The following SCN11A variants were observed in gnomAD, a reference collection of about 807,000 sequenced individuals.
The protein encoded by SCN11A is sodium voltage-gated channel alpha subunit 11.
In SCN11A, 122 loss-of-function variants were observed where a neutral mutation model predicts 162.2. That is an observed-to-expected ratio of 0.75 (90% CI 0.65 to 0.87). SCN11A has a LOEUF of 0.87. Ranked by LOEUF, SCN11A falls within the 40% of genes least tolerant of loss-of-function variation. SCN11A has a pLI of 0.00. For synonymous variants in SCN11A, 758 were observed against 751.5 expected (o/e 1.01, Z -0.14); for missense variants, 2,015 against 2,181.6 (o/e 0.92, Z 1.52).
At chr3:38,919,903 T>A (rs757454021) in intron 11 of SCN11A, 32 bp downstream of exon 11, 3 of 1,542,964 alleles carry the variant, frequency 1.9e-6, no homozygotes, top group Non-Finnish European at 2.7e-6. Context: ...GAGGTACTCT[T>A]CTTGGGAGGA....
rs1289147276 is a variant in SCN11A, at chr3:38,847,291, G to A, written c.4779C>T (p.Leu1593=). 6.2e-7 allele frequency: 1 copy of A among 1,614,180 alleles called. No individual in the cohort carries two copies. The highest frequency in any genetic ancestry group is 1.3e-5 in the African/African-American group (1 of 75,050). The part of the protein sequence containing the change: ...YFVSYIIISF[L]IVVNMYIAVI... Reference sequence around the variant, plus strand: ...CAGCAATGTACATGTTGACAACAATGAGAAAGGAGATGATAATGTAACTGA... The same window carrying A: ...CAGCAATGTACATGTTGACAACAATAAGAAAGGAGATGATAATGTAACTGA... Residue 1593 remains leucine, a synonymous_variant, in exon 30 of 30, where the codon CTC becomes CTT. Transcript: ENST00000302328.
intron 1 of SCN11A, among the ~76,000 whole-genome samples, chr3:39,050,672 A>G (rs1490733917): frequency 6.6e-6 from 1 of 152,254 alleles, no homozygotes; most frequent in African/African-American, 2.4e-5. Context: ...TTGTGACCAC[A>G]TATGTAATTT....
At position 38,926,802 on chromosome 3, in the gene SCN11A, C is replaced by G; in HGVS notation, c.617+1G>C. The G allele has an allele frequency of 6.2e-7, 1 of 1,613,192 alleles. No individual in the cohort carries two copies. The highest frequency in any genetic ancestry group is 8.5e-7 in the Non-Finnish European group (1 of 1,179,580). On this transcript the variant is annotated splice_donor_variant, in intron 8 of 29. Coordinates refer to ENST00000302328, the MANE Select transcript of SCN11A (RefSeq NM_001349253.2). LOFTEE classifies it high-confidence loss of function. Reference sequence around the variant, plus strand: ...TTCAAAAACATCTTTAATATTCTTACGCTATTCCAATGACAATGGAGTCCA... The same window carrying G: ...TTCAAAAACATCTTTAATATTCTTAGGCTATTCCAATGACAATGGAGTCCA...
At chr3:38,857,568 C>G (rs1288115771) in intron 28 of SCN11A, among the ~76,000 whole-genome samples, 5 of 151,990 alleles carry the variant, frequency 3.3e-5, no homozygotes, top group African/African-American at 1.2e-4. Context: ...GTTCATAAAA[C>G]TTATCTGAAG....
At chr3:38,918,632 T>C (rs1350933233) in intron 11 of SCN11A, among the ~76,000 whole-genome samples, 1 of 152,216 alleles carries the variant, frequency 6.6e-6, no homozygotes, top group Non-Finnish European at 1.5e-5. Flanking sequence ...ACCGGTTTCA[T>C]GGAAGACAGT....
intron 2 of SCN11A, among the ~76,000 whole-genome samples, chr3:38,976,376 TG>T (rs1302769496): frequency 6.6e-6 from 1 of 152,148 alleles, no homozygotes; most frequent in African/African-American, 2.4e-5. Flanking sequence ...ACTTAAGGCC[TG>T]GGGAGGTGAT....
rs187884667 is a variant in SCN11A at position 38,960,744 on chromosome 3, C to A, written c.-279-321G>T. 7.3e-4 allele frequency among the ~76,000 whole-genome samples: 111 copies of A among 152,326 alleles called. 1 individual carries two copies. Among genetic ancestry groups the A allele is most frequent in the Non-Finnish European group, 8.7e-4 (59 of 68,032 alleles). On this transcript the variant is annotated intron_variant, in intron 2 of 29. Transcript: ENST00000302328. ...CCCAGTGTTCTGGGGTCTCACCCCC[C>A]ACAGGACCCACTGAGGCCCACACAA...
At chr3:39,049,676 G>T (rs895987571) in intron 1 of SCN11A, among the ~76,000 whole-genome samples, 8 of 152,172 alleles carry the variant, frequency 5.3e-5, no homozygotes, top group Non-Finnish European at 1.0e-4. Flanking sequence ...TTTATTTCAT[G>T]ATTCTACTGA....
At chr3:38,910,006 G>C in intron 12 of SCN11A, 60 bp downstream of exon 12, 1 of 1,512,622 alleles carries the variant, frequency 6.6e-7, no homozygotes, top group Non-Finnish European at 9.0e-7. Context: ...AAGTGATAGA[G>C]GGGGAAGGAA....
rs973654163 is a variant in SCN11A, at chr3:38,995,084, G to A, written c.-279-34661C>T. ...AGAAAAGACTTAGTGTGACTTCTGGGCCCCAAATAAGCCCATATCAGCATA... is the reference window on the plus strand; with the variant it reads ...AGAAAAGACTTAGTGTGACTTCTGGACCCCAAATAAGCCCATATCAGCATA... On this transcript the variant is annotated intron_variant, in intron 2 of 29. Transcript: ENST00000302328. Among the ~76,000 whole-genome samples, 6 of 152,050 alleles carry A rather than the reference G, an allele frequency of 3.9e-5. No individual in the cohort carries two copies. The East Asian group carries it at 1.2e-3, about 29-fold the overall frequency.
chr3:38,987,298 C>A (rs2030284930), intron 2 of SCN11A, among the ~76,000 whole-genome samples: 3 of 113,238 alleles, frequency 2.6e-5, no homozygotes, highest in Non-Finnish European at 5.1e-5. Context: ...CTCTCTCTCT[C>A]TCTCTCACAC....
At chr3:38,870,658 A>G in intron 26 of SCN11A, 33 bp downstream of exon 26, 1 of 1,585,972 alleles carries the variant, frequency 6.3e-7, no homozygotes, top group South Asian at 1.1e-5. Flanking sequence ...ACTTGACCAT[A>G]ACACTCCAGA....
intron 14 of SCN11A, among the ~76,000 whole-genome samples, chr3:38,906,350 C>T (rs1229560187): frequency 1.3e-5 from 2 of 152,142 alleles, no homozygotes; most frequent in African/African-American, 4.8e-5. Flanking sequence ...CCATCCCTCC[C>T]CCACCACCAG....
At position 38,847,301 on chromosome 3, in the gene SCN11A, A is replaced by T; in HGVS notation, c.4769T>A (p.Ile1590Asn). The T allele has an allele frequency of 6.2e-7, 1 of 1,614,214 alleles. No homozygotes were observed. Among genetic ancestry groups the T allele is most frequent in the Non-Finnish European group, 8.5e-7 (1 of 1,180,014 alleles). The change falls in exon 30 of 30, where the codon ATC becomes AAC. Residue 1590 changes from isoleucine to asparagine, a missense_variant. Transcript: ENST00000302328. Reference protein sequence around the residue: ...ATSYFVSYIIISFLIVVNMYI... With the variant: ...ATSYFVSYIINSFLIVVNMYI... ...CATGTTGACAACAATGAGAAAGGAGATGATAATGTAACTGACAAAGTAGGA... is the reference window on the plus strand; with the variant it reads ...CATGTTGACAACAATGAGAAAGGAGTTGATAATGTAACTGACAAAGTAGGA...
intron 2 of SCN11A, among the ~76,000 whole-genome samples, chr3:39,001,136 A>G (rs879652732): frequency 2.0e-5 from 3 of 152,246 alleles, no homozygotes; most frequent in Admixed American, 6.5e-5. Flanking sequence ...TAGTGAGGTA[A>G]AATTCACCAT....
intron 19 of SCN11A, among the ~76,000 whole-genome samples, chr3:38,887,676 TC>T (rs1450196476): frequency 1.3e-5 from 2 of 152,220 alleles, no homozygotes; most frequent in African/African-American, 4.8e-5. Flanking sequence ...TCTCTGCTCT[TC>T]CCCTTGCTGG....
At position 38,894,636 on chromosome 3, in the gene SCN11A, T is replaced by C. The variant is rs752195428; in HGVS notation, c.2732A>G (p.His911Arg). Residue 911 changes from histidine to arginine, a missense_variant, in exon 19 of 30, where the codon CAT (histidine) becomes CGT (arginine). Transcript: ENST00000302328. ...AAGTGGTGCCAACCAAGTCCAATCATGCCTGACGCCCAGGGTCTTTGGTAC... is the reference window on the plus strand; with the variant it reads ...AAGTGGTGCCAACCAAGTCCAATCACGCCTGACGCCCAGGGTCTTTGGTAC... Reference protein sequence around the residue: ...TSVPKTLGVRHDWTWLAPLAE... With the variant: ...TSVPKTLGVRRDWTWLAPLAE... 9.3e-6 allele frequency: 15 copies of C among 1,614,048 alleles called. No individual in the cohort carries two copies. In the African/African-American group the frequency reaches 1.5e-4, roughly 16 times the overall value.
intron 2 of SCN11A, among the ~76,000 whole-genome samples, chr3:38,968,826 C>A (rs2066799423): frequency 6.6e-6 from 1 of 152,184 alleles, no homozygotes; most frequent in African/African-American, 2.4e-5. Flanking sequence ...CTGATAACAT[C>A]TACTACATAA....
intron 2 of SCN11A, among the ~76,000 whole-genome samples, chr3:38,965,428 C>T (rs2066775641): frequency 6.6e-6 from 1 of 152,150 alleles, no homozygotes. Flanking sequence ...TGTTTCCAGC[C>T]AGCTTCGCCC....
Sources: allele counts gnomAD v4.1 joint callset (sites outside exome capture counted in the v4.1 genomes callset), GRCh38; gene constraint gnomAD v4.1.1; transcripts MANE v1.5; gene names NCBI Gene and HGNC (gene_info 2026-07-23, HGNC 2026-07-21).